Variants in CA8 observed in about 807,000 individuals in gnomAD.
The protein encoded by CA8 is carbonic anhydrase 8 (inactive).
A neutral mutation model predicts 41.4 loss-of-function variants in CA8; 22 were observed. The observed-to-expected ratio is 0.53, with a 90% CI of 0.38 to 0.76. CA8 has a LOEUF of 0.76. Among genes scored for constraint, CA8 ranks in the 30% least tolerant of loss-of-function variants. CA8 has a pLI of 0.00. For missense variants in CA8, 270 were observed against 352.8 expected, an observed-to-expected ratio of 0.77 and a Z score of 1.88; for synonymous variants, 121 against 130.6, an observed-to-expected ratio of 0.93 and a Z score of 0.50.
At chr8:60,206,892 C>T (rs1223343580) in intron 8 of CA8, among the ~76,000 whole-genome samples, 1 of 152,054 alleles carries the variant, frequency 6.6e-6, no homozygotes, top group Non-Finnish European at 1.5e-5. Context: ...CTACTTGCTC[C>T]TTTCCCACAC....
At chr8:60,241,929 C>G (rs971613767) in intron 3 of CA8, among the ~76,000 whole-genome samples, 41 of 152,162 alleles carry the variant, frequency 2.7e-4, no homozygotes, top group African/African-American at 9.7e-4. Context: ...TGACTAATGG[C>G]TGCAATCCTC....
At chr8:60,240,085 C>T (rs144363768) in intron 3 of CA8, among the ~76,000 whole-genome samples, 380 of 152,116 alleles carry the variant, frequency 2.5e-3, no homozygotes, top group African/African-American at 8.8e-3. Context: ...GGTGAGATAA[C>T]GAAAGAGGGA....
At chr8:60,235,113 G>A (rs1022146808) in intron 3 of CA8, among the ~76,000 whole-genome samples, 1 of 152,190 alleles carries the variant, frequency 6.6e-6, no homozygotes, top group South Asian at 2.1e-4. Context: ...TGCTAGGGCT[G>A]TCATCACAAA....
Position 60,186,610 on chromosome 8 carries a change from G to A in CA8, c.*3411C>T, listed in dbSNP as rs1805972528. Among the ~76,000 whole-genome samples, 1 of 151,572 alleles carries A rather than the reference G, an allele frequency of 6.6e-6. No homozygotes were observed. Among genetic ancestry groups the A allele is most frequent in the Non-Finnish European group, 1.5e-5 (1 of 67,810 alleles). ...TTAAATAATCCAACCAAAAGGCAGA[G>A]AGACTGTCAGACTGGATTTCAAAAA... On this transcript the variant is annotated 3_prime_UTR_variant, in exon 9 of 9. Coordinates refer to ENST00000317995, the MANE Select transcript of CA8 (RefSeq NM_004056.6).
In CA8 at chr8:60,280,888, A is replaced by C. The variant is rs112802688; in HGVS notation, c.100+160T>G. 0.079 allele frequency among the ~76,000 whole-genome samples: 12,054 copies of C among 152,198 alleles called. 663 individuals are homozygous for C. The highest frequency in any genetic ancestry group is 0.11 in the Non-Finnish European group (7,770 of 67,972). ...GCCTCCCTGGAGCGCCTCCCGCCCG[A>C]AACGCACCAGGGGAGTGGGAAAGTG... On this transcript the variant is annotated intron_variant, in intron 1 of 8. Coordinates refer to ENST00000317995, the MANE Select transcript of CA8 (RefSeq NM_004056.6).
chr8:60,269,547 G>A (rs1007936845), intron 2 of CA8, among the ~76,000 whole-genome samples: 4 of 152,148 alleles, frequency 2.6e-5, no homozygotes, highest in African/African-American at 4.8e-5. Flanking sequence ...GCTCCCTGAG[G>A]AAGCTTTTGT....
intron 8 of CA8, among the ~76,000 whole-genome samples, chr8:60,200,046 G>C (rs1563520222): frequency 6.6e-6 from 1 of 152,194 alleles, no homozygotes; most frequent in African/African-American, 2.4e-5. Flanking sequence ...GCCTTAGAGA[G>C]GTGATTATAT....
rs150022008 is a variant in CA8, at chr8:60,273,771, T to C, written c.292+5918A>G. On this transcript the variant is annotated intron_variant, in intron 2 of 8. Coordinates refer to ENST00000317995, the MANE Select transcript of CA8 (RefSeq NM_004056.6). ...TCCTGTAAGAATATAAAAATGCCCA[T>C]TGGATTTAGGGGATGATGAGTTCAT... 1.9e-3 allele frequency among the ~76,000 whole-genome samples: 291 copies of C among 152,278 alleles called. 2 individuals are homozygous for C. Among genetic ancestry groups the C allele is most frequent in the African/African-American group, 6.5e-3 (270 of 41,568 alleles).
intron 7 of CA8, among the ~76,000 whole-genome samples, chr8:60,213,303 G>A (rs1161084688): frequency 7.9e-5 from 12 of 152,200 alleles, no homozygotes; most frequent in African/African-American, 1.9e-4. Context: ...AGCCTTGGCC[G>A]TTGTCGGCCC....
At chr8:60,190,967 C>CACA (rs1405639777) in intron 8 of CA8, among the ~76,000 whole-genome samples, 2 of 78,406 alleles carry the variant, frequency 2.6e-5, no homozygotes, top group African/African-American at 5.5e-5. Context: ...TACACACACA[C>CACA]ATTTCTACAT....
rs12549574 is a variant in CA8, at chr8:60,226,760, C to T, written c.576+113G>A. On this transcript the variant is annotated intron_variant, in intron 5 of 8. Coordinates refer to ENST00000317995, the MANE Select transcript of CA8 (RefSeq NM_004056.6). ...CTGTAATAAACCATAACCACAAGGA[C>T]AGCAGCTTTTCTGAGATCTGTGAGT... The T allele has an allele frequency of 0.37, 263,255 of 704,372 alleles. 51,050 individuals are homozygous for T. The highest frequency in any genetic ancestry group is 0.47 in the Admixed American group (22,446 of 47,886). The allele number at this position is 704,372 out of a possible 1,614,324, so 43.6% of individuals were successfully genotyped here.
At chr8:60,251,458 T>C (rs1408680259) in intron 3 of CA8, among the ~76,000 whole-genome samples, 2 of 152,252 alleles carry the variant, frequency 1.3e-5, no homozygotes, top group South Asian at 2.1e-4. Context: ...CACTCACGCA[T>C]TCAGCGTGAC....
intron 2 of CA8, among the ~76,000 whole-genome samples, chr8:60,272,234 C>G (rs1804095849): frequency 6.6e-6 from 1 of 152,120 alleles, no homozygotes; most frequent in Admixed American, 6.6e-5. Flanking sequence ...CTGTGTCTTC[C>G]CCTCCTTTTC....
chr8:60,267,298 G>A (rs1803933089), intron 2 of CA8, among the ~76,000 whole-genome samples: 1 of 152,162 alleles, frequency 6.6e-6, no homozygotes, highest in African/African-American at 2.4e-5. Context: ...AGACACAATG[G>A]AGGTCATGGA....
At chr8:60,241,624 A>G (rs1808031383) in intron 3 of CA8, among the ~76,000 whole-genome samples, 1 of 152,200 alleles carries the variant, frequency 6.6e-6, no homozygotes, top group Admixed American at 6.5e-5. Context: ...GCAGTCATAG[A>G]TCAAAGAAAA....
In CA8 at chr8:60,281,381, C is replaced by T. The variant is rs1804426209; in HGVS notation, c.-234G>A. The T allele has an allele frequency of 5.5e-6, 3 of 548,140 alleles. No individual in the cohort carries two copies. The highest frequency in any genetic ancestry group is 6.5e-6 in the Non-Finnish European group (2 of 307,198). 34.0% of individuals were successfully genotyped at this position (548,140 alleles called of 1,614,324 possible). On this transcript the variant is annotated 5_prime_UTR_variant, in exon 1 of 9. Transcript: ENST00000317995. ...AGCGCGTCCGGAGGCCCCAGCAGAG[C>T]GAGGGAGCGGCTGTGGCCTGGGGAG...
chr8:60,243,957 A>C (rs891993141), intron 3 of CA8, among the ~76,000 whole-genome samples: 1 of 152,176 alleles, frequency 6.6e-6, no homozygotes, highest in African/African-American at 2.4e-5. Context: ...CAGCATTTTA[A>C]ATCAAAATTT....
intron 3 of CA8, among the ~76,000 whole-genome samples, chr8:60,235,800 C>T (rs938798636): frequency 2.0e-5 from 3 of 152,154 alleles, no homozygotes; most frequent in Non-Finnish European, 4.4e-5. Flanking sequence ...GTTACCATAG[C>T]TGTATTCTAG....
At chr8:60,251,531 A>G (rs1808447084) in intron 3 of CA8, among the ~76,000 whole-genome samples, 1 of 152,236 alleles carries the variant, frequency 6.6e-6, no homozygotes, top group Admixed American at 6.5e-5. Flanking sequence ...CATGTCATTT[A>G]ACAACATACG....
Sources: gnomAD v4.1 joint callset for allele counts (sites outside exome capture counted in the v4.1 genomes callset) on GRCh38, gnomAD v4.1.1 for gene constraint, MANE v1.5 for transcripts, NCBI Gene and HGNC (gene_info 2026-07-23, HGNC 2026-07-21) for gene names.